Variants in MUC6 observed in about 807,000 individuals in gnomAD.
MUC6 encodes mucin 6, oligomeric mucus/gel-forming (gene/pseudogene).
In MUC6, 188 loss-of-function variants were observed where a neutral mutation model predicts 201.5. That is an observed-to-expected ratio of 0.93 (90% confidence interval 0.83 to 1.05). The LOEUF is 1.05. Ranked by LOEUF, MUC6 falls within the 50% of genes least tolerant of loss-of-function variation. MUC6 has a pLI of 0.00. For missense variants in MUC6, 2,706 were observed against 3,256.9 expected, an observed-to-expected ratio of 0.83 and a Z score of 4.12; for synonymous variants, 1,228 against 1,389.4, an observed-to-expected ratio of 0.88 and a Z score of 2.58.
chr11:1,022,428 G>C (rs577001268), intron 26 of MUC6, among the ~76,000 whole-genome samples: 1 of 152,350 alleles, frequency 6.6e-6, no homozygotes, highest in African/African-American at 2.4e-5. Flanking sequence ...CTGGGCACAA[G>C]GCTGCTCCTG....
chr11:1,032,318 T>C (rs1054063212), intron 2 of MUC6, among the ~76,000 whole-genome samples: 1 of 152,060 alleles, frequency 6.6e-6, no homozygotes, highest in African/African-American at 2.4e-5. Context: ...CGTATGTGCG[T>C]GTCTCGGGTG....
Position 1,019,496 on chromosome 11 carries a change from T to C in MUC6, c.3809A>G (p.Glu1270Gly). 6.2e-7 allele frequency: 1 copy of C among 1,613,090 alleles called. No homozygotes were observed. ...GACGGCCGTGGTTGGTCTAGGTGGT[T>C]CTGCAGAGGACAGCCGCCCGGAACA... Reference protein sequence around the residue: ...TSSKPTASSGEPPRPTTAVTP... With the variant: ...TSSKPTASSGGPPRPTTAVTP... The change falls in exon 30 of 33, where the codon GAA becomes GGA. Residue 1270 changes from glutamate to glycine, a missense_variant and splice_region_variant. Physicochemically the swap from Glu to Gly is moderately conservative, Grantham distance 98. Around this residue, in one of 10 missense-constraint regions of MUC6, gnomAD observed 1,850 missense variants for 1,958.3 expected, o/e 0.94. Coordinates refer to ENST00000421673, the MANE Select transcript of MUC6 (RefSeq NM_005961.3).
In MUC6 at chr11:1,018,417, C is replaced by A. The variant is rs575058249; in HGVS notation, c.4384G>T (p.Val1462Phe). Residue 1462 changes from valine to phenylalanine, a missense_variant, in exon 31 of 33, where the codon GTC becomes TTC. By Grantham distance (50) the Val-to-Phe change is conservative. Around this residue, in one of 10 missense-constraint regions of MUC6, gnomAD observed 128 missense variants for 206.5 expected, o/e 0.62. Transcript: ENST00000421673. ...ATCTGTGCGTGGGTAGGGGTGATGA[C>A]TGTGTGAGTACTTGGAGTCACCAAG... is the stretch of plus-strand genomic sequence containing the variant. ...TSLVTPSTHT[V>F]ITPTHAQMAT... 1 of 1,614,080 alleles carries A rather than the reference C, an allele frequency of 6.2e-7. No homozygotes were observed. Among genetic ancestry groups the A allele is most frequent in the South Asian group, 1.1e-5 (1 of 91,090 alleles).
In MUC6 at chr11:1,031,274, T is replaced by A. The variant is rs1857097412; in HGVS notation, c.484-15A>T. On this transcript the variant is annotated splice_polypyrimidine_tract_variant and intron_variant, in intron 4 of 32. Coordinates refer to ENST00000421673, the MANE Select transcript of MUC6 (RefSeq NM_005961.3). ...TCCACCAGAACCTGCGGGAGACGGC[T>A]CTGCTGGGGGCCCGGGGGCCAGGGG... The A allele has an allele frequency of 6.4e-7, 1 of 1,555,178 alleles. No individual in the cohort carries two copies. Among genetic ancestry groups the A allele is most frequent in the African/African-American group, 1.4e-5 (1 of 73,036 alleles).
chr11:1,032,839 G>C (rs1426922767), intron 2 of MUC6, among the ~76,000 whole-genome samples, 174 bp downstream of exon 2: 1 of 151,670 alleles, frequency 6.6e-6, no homozygotes, highest in Non-Finnish European at 1.5e-5. Context: ...GTGTGTGCAT[G>C]TGTATATTGG....
intron 25 of MUC6, 113 bp from the exon 26 acceptor site, chr11:1,023,765 C>A (rs1370768701): frequency 1.3e-6 from 2 of 1,491,090 alleles, no homozygotes; most frequent in Non-Finnish European, 9.0e-7. Context: ...AAGGTCTGGG[C>A]CCTCTTGGTG....
chr11:1,026,555 C>G lies in MUC6; in HGVS notation c.2395-77G>C, dbSNP rs1484926010. ...TGCCCAGCCCTGGGCCCCTCTGAGA[C>G]TGCCCGGCGTGTCTCCCAGGTCCTC... On this transcript the variant is annotated intron_variant, in intron 19 of 32. Coordinates refer to ENST00000421673, the MANE Select transcript of MUC6 (RefSeq NM_005961.3). 2.1e-6 allele frequency: 3 copies of G among 1,414,776 alleles called. No homozygotes were observed. In the African/African-American group the frequency reaches 4.3e-5, roughly 20 times the overall value. The allele number at this position is 1,414,776 out of a possible 1,614,324, so 87.6% of individuals were successfully genotyped here. A position where few individuals can be genotyped will look rare whatever the true frequency, so the allele number is the denominator to read the frequency against.
At position 1,021,257 on chromosome 11, in the gene MUC6, C is replaced by T. The variant is rs1590044398; in HGVS notation, c.3547G>A (p.Asp1183Asn). Residue 1183 changes from aspartate (D) to asparagine (N), a missense_variant, in exon 27 of 33, where the codon GAT (aspartate) becomes AAT (asparagine). Physicochemically the swap from Asp to Asn is conservative, Grantham distance 23 (BLOSUM62 1). Transcript: ENST00000421673. ...NIEGCYNCSQ[D>N]EYFDHEEGVC... The stretch of plus-strand genomic sequence containing the variant: ...CCCTCCTCGTGGTCGAAGTACTCAT[C>T]CTGGGAGCAGTTGTAGCAGCCTAGG... 6.3e-7 allele frequency: 1 copy of T among 1,588,272 alleles called. No homozygotes were observed. Among genetic ancestry groups the T allele is most frequent in the Admixed American group, 1.8e-5 (1 of 56,432 alleles).
chr11:1,016,016 G>A lies in MUC6; in HGVS notation c.6785C>T (p.Pro2262Leu). 6.2e-7 allele frequency: 1 copy of A among 1,607,468 alleles called. No individual in the cohort carries two copies. The highest frequency in any genetic ancestry group is 8.5e-7 in the Non-Finnish European group (1 of 1,175,844). ...PRTTASTHTA[P>L]AFSSQSTTSR... ...GGTGGTGGACTGAGAGGAGAAGGCA[G>A]GGGCGGTGTGGGTGCTGGCCGTGGT... Residue 2262 changes from proline (P) to leucine (L), a missense_variant, in exon 31 of 33, where the codon CCT (proline) becomes CTT (leucine). Coordinates refer to ENST00000421673, the MANE Select transcript of MUC6 (RefSeq NM_005961.3).
chr11:1,030,366 T>TGGCCCCCCCCCCCCCC, intron 7 of MUC6, 31 bp from the exon 8 acceptor site: 4 of 1,489,588 alleles, frequency 2.7e-6, no homozygotes, highest in East Asian at 2.5e-5. Context: ...GGTGAGAGGG[T>TGGCCCCCCCCCCCCCC]CCCACCCCCC....
chr11:1,025,690 C>CGGGGAGGGCTGCATCTCG (rs1391797483), intron 22 of MUC6, 115 bp downstream of exon 22: 13 of 1,018,222 alleles, frequency 1.3e-5, no homozygotes, highest in Non-Finnish European at 1.9e-5. Flanking sequence ...GAGAGGCAGG[C>CGGGGAGGGCTGCATCTCG]GGGGAGGGCT....
At chr11:1,024,791 C>A in intron 24 of MUC6, 53 bp downstream of exon 24, 1 of 1,580,612 alleles carries the variant, frequency 6.3e-7, no homozygotes, top group Non-Finnish European at 8.6e-7. Flanking sequence ...TCCCCCGCCC[C>A]CACCGGACAT....
At position 1,031,736 on chromosome 11, in the gene MUC6, G is replaced by C. The variant is rs1203356630; in HGVS notation, c.357-3C>G. On this transcript the variant is annotated splice_polypyrimidine_tract_variant and splice_region_variant and intron_variant, in intron 3 of 32. Transcript: ENST00000421673. ...TGGTATAGGGCAGGCTGATGACCCT[G>C]TGGGGCAAGGGAAGTCGGTGGTCGA... The C allele has an allele frequency of 6.5e-6, 10 of 1,550,228 alleles. No homozygotes were observed. The highest frequency in any genetic ancestry group is 3.9e-5 in the Admixed American group (2 of 51,026).
Position 1,029,565 on chromosome 11 carries a change from G to A in MUC6, c.1066C>T (p.Gln356Ter). The change falls in exon 9 of 33, where the codon CAG becomes TAG. Residue 356 changes from glutamine (Q) to a stop codon, truncating the protein, a stop_gained. Coordinates refer to ENST00000421673, the MANE Select transcript of MUC6 (RefSeq NM_005961.3). LOFTEE classifies it high-confidence loss of function. Reference protein sequence around the residue: ...SNNHTCVPVTQCPCVLHGAMY... With the variant: ...SNNHTCVPVT ...GCGCCGTGGAGCACACAGGGGCACT[G>A]GGTGACGGGCACGCAGGTGTGGTTA... 6.2e-7 allele frequency: 1 copy of A among 1,610,936 alleles called. No homozygotes were observed.
intron 1 of MUC6, among the ~76,000 whole-genome samples, chr11:1,034,926 G>A (rs1857183525): frequency 6.6e-6 from 1 of 152,310 alleles, no homozygotes; most frequent in East Asian, 1.9e-4. Context: ...GAAGTCCAGC[G>A]GGAGACTCCT....
In MUC6 at chr11:1,013,949, C is replaced by A. The variant is rs769022870; in HGVS notation, c.7092G>T (p.Met2364Ile). The A allele has an allele frequency of 1.2e-6, 2 of 1,609,528 alleles. No homozygotes were observed. Among genetic ancestry groups the A allele is most frequent in the East Asian group, 2.2e-5 (1 of 44,766 alleles). Reference protein sequence around the residue: ...QQEEITFKGCMANVTVTRCEG... With the variant: ...QQEEITFKGCIANVTVTRCEG... ...CACAGCGGGTTACCGTCACGTTCGC[C>A]ATGCACCCCTTGAACGTGATCTCCT... Residue 2364 changes from methionine (M) to isoleucine (I), a missense_variant, in exon 32 of 33, where the codon ATG becomes ATT. Around this residue, in one of 10 missense-constraint regions of MUC6, gnomAD observed 586 missense variants for 488.0 expected, o/e 1.20. Transcript: ENST00000421673.
In MUC6 at chr11:1,029,221, G is replaced by A. The variant is rs752056856; in HGVS notation, c.1275+7C>T. On this transcript the variant is annotated splice_region_variant and intron_variant, in intron 10 of 32. Transcript: ENST00000421673. ...CCCCTCCCCACGGGCCACAGGGCTC[G>A]TCCTACCTGGAGGAGGATGTAGGTG... 1.4e-5 allele frequency: 22 copies of A among 1,606,874 alleles called. No individual in the cohort carries two copies. Among genetic ancestry groups the A allele is most frequent in the South Asian group, 2.2e-5 (2 of 89,990 alleles).
intron 1 of MUC6, among the ~76,000 whole-genome samples, chr11:1,034,056 AC>A (rs1028864708): frequency 6.6e-6 from 1 of 151,500 alleles, no homozygotes; most frequent in Non-Finnish European, 1.5e-5. Flanking sequence ...TGCCCCCATT[AC>A]CGCTGGACAC....
rs1198684960 is a variant in MUC6 at position 1,025,002 on chromosome 11, T to C, written c.3067A>G (p.Ser1023Gly). Residue 1023 changes from serine to glycine, a missense_variant, in exon 24 of 33, where the codon AGC becomes GGC. Coordinates refer to ENST00000421673, the MANE Select transcript of MUC6 (RefSeq NM_005961.3). Reference protein sequence around the residue: ...FETRSRYVASSELELVNSWKE... With the variant: ...FETRSRYVASGELELVNSWKE... ...CACGAGTTCACCAACTCCAGCTCGC[T>C]GGATGCCACGTACCTGCTGCGCGTC... 7 of 1,613,054 alleles carry C rather than the reference T, an allele frequency of 4.3e-6. No homozygotes were observed. The East Asian group carries it at 6.7e-5, about 15-fold the overall frequency.
Sources: allele counts gnomAD v4.1 joint callset (sites outside exome capture counted in the v4.1 genomes callset), GRCh38; gene constraint gnomAD v4.1.1; regional missense constraint gnomAD v4.1.1; transcripts MANE v1.5; gene names NCBI Gene and HGNC (gene_info 2026-07-23, HGNC 2026-07-21).